CA10: variants seen among roughly 807,000 people sequenced by gnomAD.
The protein encoded by CA10 is carbonic anhydrase 10 (inactive).
Under a neutral mutation model 44.2 loss-of-function variants are expected in CA10, and 14 were observed. The ratio of observed to expected loss-of-function variants is 0.32; its 90% confidence interval spans 0.21 to 0.50. CA10 has a LOEUF of 0.50. CA10 is among the 20% of genes least tolerant of loss of function. The probability of loss-of-function intolerance (pLI) is 0.99; values close to 1 mark genes in which losing one functional copy is unlikely to be tolerated. For missense variants in CA10, 350 were observed against 409.7 expected (o/e 0.85, Z 1.26); for synonymous variants, 159 against 141.6 (o/e 1.12, Z -0.87).
intron 1 of CA10, among the ~76,000 whole-genome samples, chr17:52,112,804 A>C (rs1486019480): frequency 6.6e-6 from 1 of 152,230 alleles, no homozygotes; most frequent in Non-Finnish European, 1.5e-5. Flanking sequence ...CTCATGCCAA[A>C]AGAACCACCC....
chr17:52,104,249 G>A (rs1429334731), intron 1 of CA10, among the ~76,000 whole-genome samples: 2 of 150,890 alleles, frequency 1.3e-5, no homozygotes, highest in African/African-American at 4.9e-5. Flanking sequence ...CTAGGCTGAA[G>A]TGCAGTGGCA....
chr17:51,841,322 A>G (rs1338608950), intron 3 of CA10, among the ~76,000 whole-genome samples: 2 of 152,114 alleles, frequency 1.3e-5, no homozygotes, highest in African/African-American at 2.4e-5. Context: ...TCCTGGTTTC[A>G]TGGCCTCCAC....
intron 1 of CA10, among the ~76,000 whole-genome samples, chr17:52,113,417 C>G (rs2143291581): frequency 6.6e-6 from 1 of 152,192 alleles, no homozygotes; most frequent in Middle Eastern, 3.4e-3. Context: ...AAAATGTATA[C>G]TGATACCCAT....
intron 1 of CA10, among the ~76,000 whole-genome samples, chr17:52,125,068 G>C (rs964178916): frequency 1.8e-4 from 28 of 152,166 alleles, no homozygotes; most frequent in African/African-American, 6.5e-4. Context: ...TGCACACACA[G>C]CTCCCTCTGC....
chr17:51,669,000 C>T (rs1051400030), intron 4 of CA10, among the ~76,000 whole-genome samples: 2 of 152,236 alleles, frequency 1.3e-5, no homozygotes, highest in Non-Finnish European at 2.9e-5. Flanking sequence ...GCCTCAGCCA[C>T]TTCCCTGTGG....
Position 52,084,458 on chromosome 17 carries a change from C to CAA in CA10, c.62-12067_62-12066dup, listed in dbSNP as rs1446529456. Among the ~76,000 whole-genome samples the CAA allele has an allele frequency of 2.0e-5, 3 of 151,784 alleles. No homozygotes were observed. In the East Asian group the frequency reaches 5.8e-4, roughly 29 times the overall value. Reference sequence around the variant, plus strand: ...ATTATGACCATATCTGGGCTTTCCACAAGCCAAACTGGAGTTTCATTATAT... The same window carrying CAA: ...ATTATGACCATATCTGGGCTTTCCACAAAAGCCAAACTGGAGTTTCATTATAT... On this transcript the variant is annotated intron_variant, in intron 1 of 8. Coordinates refer to ENST00000451037, the MANE Select transcript of CA10 (RefSeq NM_020178.5).
intron 3 of CA10, among the ~76,000 whole-genome samples, chr17:51,836,560 C>T (rs11656245): frequency 2.7e-4 from 41 of 152,326 alleles, no homozygotes; most frequent in Middle Eastern, 3.4e-3. Flanking sequence ...CCCCACTCGC[C>T]TGTGGGGAGC....
rs546062710 is a variant in CA10, at chr17:52,112,959, T to C, written c.62-40566A>G. ...ATTTCTTTTCTTTTCCTCTCTTTAT[T>C]CTTGGAAGATGGCTTCAGTTAAAAA... On this transcript the variant is annotated intron_variant, in intron 1 of 8. Coordinates refer to ENST00000451037, the MANE Select transcript of CA10 (RefSeq NM_020178.5). Among the ~76,000 whole-genome samples, 9 of 152,322 alleles carry C rather than the reference T, an allele frequency of 5.9e-5. No homozygotes were observed. In the East Asian group the frequency reaches 1.7e-3, roughly 29 times the overall value.
At chr17:51,886,138 T>G (rs754842855) in intron 3 of CA10, among the ~76,000 whole-genome samples, 8 of 152,176 alleles carry the variant, frequency 5.3e-5, no homozygotes, top group Non-Finnish European at 8.8e-5. Flanking sequence ...AAGGGCAGAA[T>G]CCTCCCACAG....
intron 6 of CA10, among the ~76,000 whole-genome samples, chr17:51,645,712 T>G (rs1913304544): frequency 6.6e-6 from 1 of 152,180 alleles, no homozygotes; most frequent in Non-Finnish European, 1.5e-5. Context: ...TCCTTCCTCC[T>G]TAGGGAGAAA....
intron 3 of CA10, among the ~76,000 whole-genome samples, chr17:51,826,934 C>T (rs779969096): frequency 6.6e-6 from 1 of 152,194 alleles, no homozygotes; most frequent in Non-Finnish European, 1.5e-5. Context: ...TTTCTCTACA[C>T]CCTGCACACA....
At chr17:51,995,440 CAAT>C (rs1460058227) in intron 2 of CA10, among the ~76,000 whole-genome samples, 1 of 151,914 alleles carries the variant, frequency 6.6e-6, no homozygotes, top group Non-Finnish European at 1.5e-5. Flanking sequence ...AATATGCAAA[CAAT>C]GATTTAACTA....
intron 2 of CA10, among the ~76,000 whole-genome samples, chr17:52,055,179 C>A (rs562212872): frequency 1.3e-5 from 2 of 151,940 alleles, no homozygotes; most frequent in Non-Finnish European, 2.9e-5. Flanking sequence ...AGACTCTTTG[C>A]AAGCTGGCAA....
chr17:51,698,921 A>T (rs1209027215), intron 4 of CA10, among the ~76,000 whole-genome samples: 1 of 152,090 alleles, frequency 6.6e-6, no homozygotes, highest in Non-Finnish European at 1.5e-5. Context: ...TTCCATTTTC[A>T]TTACCCATTC....
At chr17:52,036,020 A>G (rs1209688757) in intron 2 of CA10, among the ~76,000 whole-genome samples, 1 of 152,218 alleles carries the variant, frequency 6.6e-6, no homozygotes, top group African/African-American at 2.4e-5. Flanking sequence ...AGAGCTAGTT[A>G]AACACAGATT....
chr17:51,951,576 T>C (rs1983484901), intron 2 of CA10, among the ~76,000 whole-genome samples: 1 of 152,202 alleles, frequency 6.6e-6, no homozygotes, highest in African/African-American at 2.4e-5. Flanking sequence ...TTTAAAAAAA[T>C]GACAAACACA....
intron 4 of CA10, among the ~76,000 whole-genome samples, chr17:51,677,857 A>G (rs1195242481): frequency 6.8e-6 from 1 of 147,020 alleles, no homozygotes; most frequent in Non-Finnish European, 1.5e-5. Flanking sequence ...ATTACCATAT[A>G]ACCCAACAAT....
intron 4 of CA10, among the ~76,000 whole-genome samples, chr17:51,685,969 C>G (rs991486311): frequency 6.6e-6 from 1 of 152,086 alleles, no homozygotes; most frequent in East Asian, 1.9e-4. Context: ...CTGGGGTGCC[C>G]CAGGGATTGG....
At chr17:51,800,253 G>A (rs967854537) in intron 3 of CA10, among the ~76,000 whole-genome samples, 2 of 151,994 alleles carry the variant, frequency 1.3e-5, no homozygotes, top group Non-Finnish European at 2.9e-5. Flanking sequence ...AGACACAAAC[G>A]GCTACGTATG....
Sources: allele counts gnomAD v4.1 joint callset (sites outside exome capture counted in the v4.1 genomes callset), GRCh38; gene constraint gnomAD v4.1.1; transcripts MANE v1.5; gene names NCBI Gene and HGNC (gene_info 2026-07-23, HGNC 2026-07-21).